Variants in CTNND2 observed in about 807,000 individuals in gnomAD.
CTNND2 encodes the protein catenin delta-2.
In CTNND2, 22 loss-of-function variants were observed where a neutral mutation model predicts 144.4. The observed-to-expected ratio is 0.15, with a 90% confidence interval of 0.11 to 0.22. The LOEUF (loss-of-function observed/expected upper bound fraction) is 0.22. Among genes scored for constraint, CTNND2 ranks in the 10% least tolerant of loss-of-function variants. The pLI is 1.00. For synonymous variants in CTNND2, 751 were observed against 695.6 expected (o/e 1.08, Z -1.25); for missense variants, 1,353 against 1,618.8 (o/e 0.84, Z 2.82).
intron 16 of CTNND2, among the ~76,000 whole-genome samples, chr5:11,033,257 A>G (rs902385167): frequency 2.5e-4 from 38 of 152,272 alleles, no homozygotes; most frequent in African/African-American, 8.4e-4. Flanking sequence ...AAAATAGCAC[A>G]TATGAGATAA....
chr5:11,721,599 C>T (rs1027694144), intron 2 of CTNND2, among the ~76,000 whole-genome samples: 4 of 152,220 alleles, frequency 2.6e-5, no homozygotes, highest in Non-Finnish European at 5.9e-5. Flanking sequence ...CTCTGCTTCA[C>T]ACAGCATTAG....
chr5:11,017,300 G>T (rs1259170578), intron 18 of CTNND2, among the ~76,000 whole-genome samples: 2 of 152,048 alleles, frequency 1.3e-5, no homozygotes, highest in Non-Finnish European at 2.9e-5. Flanking sequence ...CCATGTTGGG[G>T]GTGAAGACTC....
At chr5:11,152,220 C>T (rs182269750) in intron 12 of CTNND2, among the ~76,000 whole-genome samples, 2 of 152,324 alleles carry the variant, frequency 1.3e-5, no homozygotes, top group Admixed American at 6.5e-5. Context: ...CTAAATGCAT[C>T]AGGCTGTCTT....
At chr5:11,072,850 G>A (rs1053831191) in intron 16 of CTNND2, among the ~76,000 whole-genome samples, 22 of 152,170 alleles carry the variant, frequency 1.4e-4, no homozygotes, top group African/African-American at 4.8e-4. Context: ...GTGTATGCCC[G>A]GGGGCTTGCG....
rs1737218914 is a variant in CTNND2, at chr5:11,199,560, A to G, written c.1863T>C (p.Tyr621=). Residue 621 remains tyrosine (Y), a synonymous_variant, in exon 11 of 22, where the codon TAT becomes TAC. Coordinates refer to ENST00000304623, the MANE Select transcript of CTNND2 (RefSeq NM_001332.4). ...TTTTGTTATCATCGTTGGCCTTCCCATACACCAGGTTTCTCAGAGCTCCAC... is the reference window on the plus strand; with the variant it reads ...TTTTGTTATCATCGTTGGCCTTCCCGTACACCAGGTTTCTCAGAGCTCCAC... ...SACGALRNLV[Y]GKANDDNKIA... The G allele has an allele frequency of 1.9e-6, 3 of 1,614,038 alleles. No homozygotes were observed. Among genetic ancestry groups the G allele is most frequent in the African/African-American group, 1.3e-5 (1 of 74,906 alleles).
chr5:11,104,457 C>G (rs149190371), intron 14 of CTNND2, among the ~76,000 whole-genome samples: 4 of 152,252 alleles, frequency 2.6e-5, no homozygotes, highest in African/African-American at 4.8e-5. Context: ...AAACCCAAGT[C>G]CATCCACCGT....
chr5:11,629,791 C>T (rs1581633744), intron 2 of CTNND2, among the ~76,000 whole-genome samples: 1 of 152,092 alleles, frequency 6.6e-6, no homozygotes, highest in African/African-American at 2.4e-5. Flanking sequence ...CCACCTCAGC[C>T]TCCCAAGTGC....
chr5:11,201,166 C>T (rs550397282), intron 10 of CTNND2, among the ~76,000 whole-genome samples: 16 of 152,226 alleles, frequency 1.1e-4, no homozygotes, highest in African/African-American at 3.1e-4. Context: ...CATTATTGTC[C>T]GTCTTCTCCT....
intron 1 of CTNND2, among the ~76,000 whole-genome samples, chr5:11,767,613 C>T (rs1198589199): frequency 1.3e-5 from 2 of 152,118 alleles, no homozygotes; most frequent in Non-Finnish European, 2.9e-5. Context: ...GCTCAATAGC[C>T]CCTCCTTCAT....
At chr5:11,021,647 T>C (rs577914571) in intron 17 of CTNND2, among the ~76,000 whole-genome samples, 4 of 152,310 alleles carry the variant, frequency 2.6e-5, no homozygotes, top group Admixed American at 2.6e-4. Flanking sequence ...TTGAGCCTAT[T>C]TGGAGGTCTC....
At chr5:11,516,975 T>C (rs999279269) in intron 3 of CTNND2, among the ~76,000 whole-genome samples, 1 of 152,242 alleles carries the variant, frequency 6.6e-6, no homozygotes, top group Non-Finnish European at 1.5e-5. Flanking sequence ...GTTACTACTA[T>C]ATAAATTGAA....
intron 3 of CTNND2, among the ~76,000 whole-genome samples, chr5:11,425,073 T>A (rs891031070): frequency 6.6e-6 from 1 of 152,228 alleles, no homozygotes; most frequent in Non-Finnish European, 1.5e-5. Flanking sequence ...TGTGTAAGAT[T>A]CCCTGCTCAT....
intron 3 of CTNND2, among the ~76,000 whole-genome samples, chr5:11,459,656 A>G (rs1381845379): frequency 6.6e-6 from 1 of 152,218 alleles, no homozygotes; most frequent in African/African-American, 2.4e-5. Flanking sequence ...CCTATATACC[A>G]TGAATTCCAA....
intron 3 of CTNND2, among the ~76,000 whole-genome samples, chr5:11,544,009 T>C (rs1774989707): frequency 3.9e-5 from 6 of 152,184 alleles, no homozygotes; most frequent in Admixed American, 3.9e-4. Flanking sequence ...GTGAGCAGGC[T>C]GTCATTAAAA....
chr5:11,062,704 C>T (rs1480428549), intron 16 of CTNND2, among the ~76,000 whole-genome samples: 1 of 152,202 alleles, frequency 6.6e-6, no homozygotes, highest in Non-Finnish European at 1.5e-5. Context: ...TCGGGGACCG[C>T]GTAAAGGCTT....
At chr5:11,517,447 C>T (rs1772269097) in intron 3 of CTNND2, among the ~76,000 whole-genome samples, 1 of 152,168 alleles carries the variant, frequency 6.6e-6, no homozygotes, top group African/African-American at 2.4e-5. Context: ...TAATTTTTAA[C>T]ACCTTTGTTA....
At chr5:11,714,831 C>T (rs1292254677) in intron 2 of CTNND2, among the ~76,000 whole-genome samples, 1 of 151,414 alleles carries the variant, frequency 6.6e-6, no homozygotes, top group Non-Finnish European at 1.5e-5. Flanking sequence ...ATGGCATGAA[C>T]CCGGGAGGCG....
intron 9 of CTNND2, among the ~76,000 whole-genome samples, chr5:11,243,611 G>A (rs893835187): frequency 2.6e-5 from 4 of 152,166 alleles, no homozygotes; most frequent in Non-Finnish European, 2.9e-5. Context: ...ATATGCAAAT[G>A]TAACCTTTTC....
intron 15 of CTNND2, among the ~76,000 whole-genome samples, chr5:11,085,631 C>A (rs1036426436): frequency 9.9e-5 from 15 of 152,150 alleles, no homozygotes; most frequent in Non-Finnish European, 4.4e-5. Context: ...GGCACAGATC[C>A]AGGTAAAAGA....
Sources: gnomAD v4.1 joint callset for allele counts (sites outside exome capture counted in the v4.1 genomes callset) on GRCh38, gnomAD v4.1.1 for gene constraint, MANE v1.5 for transcripts, NCBI Gene and HGNC (gene_info 2026-07-23, HGNC 2026-07-21) for gene names.